Variants in OLFM3 observed in about 807,000 individuals in gnomAD.
OLFM3 encodes noelin-3.
Under a neutral mutation model 48.6 loss-of-function variants are expected in OLFM3, and 20 were observed. The ratio of observed to expected loss-of-function variants is 0.41; its 90% CI spans 0.29 to 0.60. OLFM3 has a LOEUF of 0.60. Among genes scored for constraint, OLFM3 ranks in the 20% least tolerant of loss-of-function variants. The probability of loss-of-function intolerance (pLI) is 0.28; values close to 1 mark genes in which losing one functional copy is unlikely to be tolerated. For synonymous variants in OLFM3, 222 were observed against 198.1 expected, an observed-to-expected ratio of 1.12 and a Z score of -1.01; for missense variants, 437 against 544.3, an observed-to-expected ratio of 0.80 and a Z score of 1.96.
intron 4 of OLFM3, among the ~76,000 whole-genome samples, chr1:101,806,557 T>A (rs952900691): frequency 2.6e-5 from 4 of 151,712 alleles, no homozygotes; most frequent in African/African-American, 9.7e-5. Flanking sequence ...GGCCAGAAAC[T>A]CCTTCCCTTC....
chr1:101,935,807 C>A (rs531846204), intron 1 of OLFM3, among the ~76,000 whole-genome samples: 2 of 151,938 alleles, frequency 1.3e-5, no homozygotes, highest in East Asian at 1.9e-4. Flanking sequence ...CCCTAGGATA[C>A]AAGATTAAAC....
chr1:101,910,097 A>G (rs1658698017), intron 1 of OLFM3: 1 of 985,230 alleles, frequency 1.0e-6, no homozygotes. Context: ...CCCTTGTCTC[A>G]GAGAAGCTTC....
chr1:101,939,486 C>G (rs1233768847), intron 1 of OLFM3, among the ~76,000 whole-genome samples: 1 of 152,088 alleles, frequency 6.6e-6, no homozygotes, highest in East Asian at 1.9e-4. Context: ...ATCTAAATCA[C>G]TCTCTGTAAG....
intron 1 of OLFM3, among the ~76,000 whole-genome samples, chr1:101,963,217 T>C (rs779572727): frequency 4.6e-5 from 7 of 152,164 alleles, no homozygotes; most frequent in African/African-American, 7.2e-5. Flanking sequence ...CCATGGTGTG[T>C]GGGAAATTCT....
intron 3 of OLFM3, among the ~76,000 whole-genome samples, chr1:101,829,228 C>A (rs2100908033): frequency 6.6e-6 from 1 of 152,232 alleles, no homozygotes; most frequent in Non-Finnish European, 1.5e-5. Flanking sequence ...TACCATTTAT[C>A]CATAAGTTTC....
At chr1:101,928,373 T>C (rs1659340915) in intron 1 of OLFM3, among the ~76,000 whole-genome samples, 1 of 152,124 alleles carries the variant, frequency 6.6e-6, no homozygotes, top group South Asian at 2.1e-4. Flanking sequence ...TGTGCATGAC[T>C]TAACACATTT....
intron 1 of OLFM3, among the ~76,000 whole-genome samples, chr1:101,912,970 T>C (rs1306423402): frequency 6.6e-6 from 1 of 152,196 alleles, no homozygotes; most frequent in Non-Finnish European, 1.5e-5. Flanking sequence ...TTCACTTTTA[T>C]TTATTTTCTT....
intron 1 of OLFM3, among the ~76,000 whole-genome samples, chr1:101,968,391 G>A (rs1379869177): frequency 2.6e-5 from 4 of 152,016 alleles, no homozygotes; most frequent in Admixed American, 6.6e-5. Flanking sequence ...GTGAGCTTAG[G>A]TTTTCCAATT....
intron 4 of OLFM3, among the ~76,000 whole-genome samples, chr1:101,821,927 A>C (rs1654623751): frequency 6.6e-6 from 1 of 152,144 alleles, no homozygotes; most frequent in Non-Finnish European, 1.5e-5. Context: ...TTTATTTGAC[A>C]ATCAAATTCT....
chr1:101,969,792 A>T (rs1660730872), intron 1 of OLFM3, among the ~76,000 whole-genome samples: 1 of 152,016 alleles, frequency 6.6e-6, no homozygotes, highest in East Asian at 1.9e-4. Context: ...CAGGAGAAGG[A>T]TGTCAATCAG....
chr1:101,829,817 A>G (rs1168602980), intron 3 of OLFM3, among the ~76,000 whole-genome samples: 1 of 152,028 alleles, frequency 6.6e-6, no homozygotes, highest in Non-Finnish European at 1.5e-5. Flanking sequence ...AGATTGCATT[A>G]GCAGACCAAG....
In OLFM3 at chr1:101,804,544, A is replaced by T. The variant is rs553939764; in HGVS notation, c.1071T>A (p.Asp357Glu). Residue 357 changes from aspartate (D) to glutamate (E), a missense_variant, in exon 6 of 6, where the codon GAT (aspartate) becomes GAA (glutamate). Physicochemically the swap from Asp to Glu is conservative, Grantham distance 45. This residue lies in a region of OLFM3 where 108 missense variants were observed against 135.8 expected (regional missense o/e 0.80). Transcript: ENST00000370103. The surrounding 1 kb of genome is among the most constrained non-coding windows in gnomAD (Gnocchi z 4.5). ...GNIVISQLNQ[D>E]TLEVMKSWST... ...TCCAGCTCTTCATCACCTCCAAGGT[A>T]TCTTGGTTAAGTTGGCTGATGACAA... 4.0e-5 allele frequency: 64 copies of T among 1,612,546 alleles called. No homozygotes were observed. Among genetic ancestry groups the T allele is most frequent in the Non-Finnish European group, 5.3e-5 (62 of 1,179,164 alleles).
At chr1:101,834,514 G>A (rs1395520626) in intron 2 of OLFM3, among the ~76,000 whole-genome samples, 1 of 152,176 alleles carries the variant, frequency 6.6e-6, no homozygotes, top group African/African-American at 2.4e-5. Context: ...AAACTATAGA[G>A]AGATAAGCAA....
intron 1 of OLFM3, among the ~76,000 whole-genome samples, chr1:101,859,103 G>A (rs964799738): frequency 1.6e-4 from 24 of 152,042 alleles, no homozygotes; most frequent in African/African-American, 5.8e-4. Flanking sequence ...TGCAGTGGGG[G>A]AAGTGAAAAA....
At chr1:101,938,429 G>A (rs1021053698) in intron 1 of OLFM3, among the ~76,000 whole-genome samples, 1 of 152,186 alleles carries the variant, frequency 6.6e-6, no homozygotes, top group African/African-American at 2.4e-5. Flanking sequence ...GTCCTTAGGA[G>A]ACCATGAACA....
At chr1:101,922,981 T>C (rs893731951) in intron 1 of OLFM3, among the ~76,000 whole-genome samples, 2 of 152,194 alleles carry the variant, frequency 1.3e-5, no homozygotes, top group Non-Finnish European at 2.9e-5. Context: ...TTTCTCCCAA[T>C]ATAAAGATAA....
chr1:101,846,030 A>G (rs1655976312), intron 1 of OLFM3, among the ~76,000 whole-genome samples: 1 of 152,324 alleles, frequency 6.6e-6, no homozygotes, highest in East Asian at 1.9e-4. Flanking sequence ...ATTATTTTCT[A>G]AGAAATTCCT....
intron 2 of OLFM3, among the ~76,000 whole-genome samples, chr1:101,834,460 A>C (rs1289920699): frequency 6.6e-6 from 1 of 152,182 alleles, no homozygotes; most frequent in African/African-American, 2.4e-5. Flanking sequence ...GAGGTGCTTA[A>C]AGGTCATGCT....
chr1:101,863,714 T>C (rs1656749455), intron 1 of OLFM3, among the ~76,000 whole-genome samples: 1 of 152,200 alleles, frequency 6.6e-6, no homozygotes, highest in Admixed American at 6.5e-5. Flanking sequence ...TGAAGAATTG[T>C]GGTTATATAA....
Sources: gnomAD v4.1 joint callset for allele counts (sites outside exome capture counted in the v4.1 genomes callset) on GRCh38, gnomAD v4.1.1 for gene constraint, gnomAD v4.1.1 regional missense constraint, Gnocchi (gnomAD v3.1) non-coding constraint, MANE v1.5 for transcripts, NCBI Gene and HGNC (gene_info 2026-07-23, HGNC 2026-07-21) for gene names.